The following TMEM45A variants were observed in gnomAD, a reference collection of about 807,000 sequenced individuals.
TMEM45A encodes transmembrane protein 45A, also known as DNA polymerase-transactivated protein 4.
TMEM45A carries 25 observed loss-of-function variants against 32.0 expected under a neutral mutation model. The ratio of observed to expected loss-of-function variants is 0.78; its 90% CI spans 0.57 to 1.09. The LOEUF is 1.09. TMEM45A is among the 50% of genes least tolerant of loss of function. The pLI is 0.00. For missense variants in TMEM45A, 302 were observed against 325.0 expected, an observed-to-expected ratio of 0.93 and a Z score of 0.54; for synonymous variants, 122 against 114.8, an observed-to-expected ratio of 1.06 and a Z score of -0.40.
intron 1 of TMEM45A, among the ~76,000 whole-genome samples, chr3:100,503,208 C>T (rs771328074): frequency 5.3e-5 from 8 of 152,134 alleles, no homozygotes; most frequent in African/African-American, 1.4e-4. Flanking sequence ...TGGGTTCAAG[C>T]GATTCTCCTG....
intron 1 of TMEM45A, among the ~76,000 whole-genome samples, chr3:100,550,290 A>C (rs542059185): frequency 6.6e-6 from 1 of 152,254 alleles, no homozygotes; most frequent in Admixed American, 6.5e-5. Flanking sequence ...TACTTTAAGA[A>C]GACTCATTCA....
At chr3:100,552,039 G>A (rs1281503334) in intron 1 of TMEM45A, among the ~76,000 whole-genome samples, 1 of 152,164 alleles carries the variant, frequency 6.6e-6, no homozygotes, top group African/African-American at 2.4e-5. Context: ...ATTTGGCCTA[G>A]AGCTGTACAT....
At chr3:100,562,006 G>T (rs1706345776) in intron 4 of TMEM45A, among the ~76,000 whole-genome samples, 1 of 152,176 alleles carries the variant, frequency 6.6e-6, no homozygotes, top group Non-Finnish European at 1.5e-5. Context: ...ATTTGCTTAG[G>T]CTTTTAGTGT....
chr3:100,543,697 A>G (rs941830125), intron 1 of TMEM45A, among the ~76,000 whole-genome samples: 5 of 151,962 alleles, frequency 3.3e-5, no homozygotes, highest in African/African-American at 1.2e-4. Flanking sequence ...TTCTTTTTCA[A>G]ATTGATTCCT....
At chr3:100,506,390 A>T (rs531918210) in intron 1 of TMEM45A, among the ~76,000 whole-genome samples, 34 of 152,318 alleles carry the variant, frequency 2.2e-4, no homozygotes, top group African/African-American at 8.2e-4. Context: ...AACAAGGTAA[A>T]ATTCACAGTA....
chr3:100,541,504 TTTTTC>T (rs969202356), intron 1 of TMEM45A, among the ~76,000 whole-genome samples: 1 of 150,764 alleles, frequency 6.6e-6, no homozygotes, highest in African/African-American at 2.4e-5. Context: ...AATTGTTTTC[TTTTTC>T]TTTTCTTTTC....
intron 1 of TMEM45A, among the ~76,000 whole-genome samples, chr3:100,503,053 CCTCT>C (rs1708028656): frequency 6.6e-6 from 1 of 151,646 alleles, no homozygotes; most frequent in African/African-American, 2.4e-5. Context: ...TCTCCTTCTT[CCTCT>C]CTTTCTTCTC....
chr3:100,521,092 G>A (rs566567653), intron 1 of TMEM45A, among the ~76,000 whole-genome samples: 224 of 152,278 alleles, frequency 1.5e-3, no homozygotes, highest in Non-Finnish European at 2.7e-3. Flanking sequence ...AGTTTAGCGC[G>A]TGAAGCTCTG....
At chr3:100,500,463 AT>A (rs1459446440) in intron 1 of TMEM45A, among the ~76,000 whole-genome samples, 3 of 152,122 alleles carry the variant, frequency 2.0e-5, no homozygotes, top group African/African-American at 7.2e-5. Flanking sequence ...ATTGGGTTAC[AT>A]TTGTTGAACG....
intron 1 of TMEM45A, among the ~76,000 whole-genome samples, chr3:100,504,986 G>A (rs1354217626): frequency 1.3e-5 from 2 of 152,178 alleles, no homozygotes; most frequent in Non-Finnish European, 2.9e-5. Flanking sequence ...CCCAGAAAAT[G>A]GGTCTGTCGT....
intron 1 of TMEM45A, among the ~76,000 whole-genome samples, chr3:100,498,331 A>G (rs1707961385): frequency 6.6e-6 from 1 of 152,226 alleles, no homozygotes; most frequent in African/African-American, 2.4e-5. Context: ...CATTTAAATC[A>G]GTAGACTTTG....
chr3:100,543,868 A>G (rs1705933767), intron 1 of TMEM45A, among the ~76,000 whole-genome samples: 1 of 152,166 alleles, frequency 6.6e-6, no homozygotes, highest in African/African-American at 2.4e-5. Context: ...GTTACTTATC[A>G]CCAGCACAAC....
intron 1 of TMEM45A, among the ~76,000 whole-genome samples, chr3:100,509,668 G>A (rs1273140135): frequency 6.6e-5 from 10 of 152,304 alleles, no homozygotes; most frequent in South Asian, 2.1e-4. Context: ...CGTGAGTGAT[G>A]CAGAAGACAG....
intron 4 of TMEM45A, among the ~76,000 whole-genome samples, chr3:100,564,187 T>A (rs1706383171): frequency 6.6e-6 from 1 of 152,194 alleles, no homozygotes; most frequent in South Asian, 2.1e-4. Flanking sequence ...TTTCAACTAA[T>A]AAGGTATTTT....
chr3:100,540,033 T>C (rs979498982), intron 1 of TMEM45A, among the ~76,000 whole-genome samples: 6 of 152,200 alleles, frequency 3.9e-5, no homozygotes, highest in Non-Finnish European at 8.8e-5. Context: ...GAAAATCTAG[T>C]TGCTCTTGGG....
chr3:100,542,902 G>A (rs1705914175), intron 1 of TMEM45A, among the ~76,000 whole-genome samples: 3 of 151,972 alleles, frequency 2.0e-5, no homozygotes, highest in Non-Finnish European at 4.4e-5. Context: ...AGGGAGGGAG[G>A]GGACAAGAGT....
intron 1 of TMEM45A, among the ~76,000 whole-genome samples, chr3:100,510,821 A>G (rs1367806376): frequency 1.3e-5 from 2 of 152,270 alleles, no homozygotes; most frequent in African/African-American, 4.8e-5. Flanking sequence ...AACTACGTGA[A>G]GAATGCAGAA....
intron 1 of TMEM45A, among the ~76,000 whole-genome samples, chr3:100,514,784 A>G (rs1344822472): frequency 6.6e-6 from 1 of 152,006 alleles, no homozygotes; most frequent in Non-Finnish European, 1.5e-5. Flanking sequence ...TTACAAGAAA[A>G]AAACAAACAA....
At chr3:100,507,106 T>C (rs945594919) in intron 1 of TMEM45A, among the ~76,000 whole-genome samples, 4 of 152,202 alleles carry the variant, frequency 2.6e-5, no homozygotes, top group African/African-American at 9.7e-5. Flanking sequence ...GCCTGGGATG[T>C]ACATTCTTCC....
Sources: gnomAD v4.1 joint callset for allele counts (sites outside exome capture counted in the v4.1 genomes callset) on GRCh38, gnomAD v4.1.1 for gene constraint, MANE v1.5 for transcripts, NCBI Gene and HGNC (gene_info 2026-07-23, HGNC 2026-07-21) for gene names.